The following ST7 variants were observed in gnomAD, a reference collection of about 807,000 sequenced individuals.
ST7 encodes the protein suppressor of tumorigenicity 7 protein.
ST7 carries 28 observed loss-of-function variants against 78.7 expected under a neutral mutation model. The ratio of observed to expected loss-of-function variants is 0.36; its 90% CI spans 0.26 to 0.49. ST7 has a LOEUF of 0.49. ST7 is among the 20% of genes least tolerant of loss of function. The pLI, the probability that ST7 is intolerant of heterozygous loss-of-function variation, is 0.99. For missense variants in ST7, 418 were observed against 696.0 expected, an observed-to-expected ratio of 0.60 and a Z score of 4.49; for synonymous variants, 247 against 249.6, an observed-to-expected ratio of 0.99 and a Z score of 0.10.
intron 1 of ST7, among the ~76,000 whole-genome samples, chr7:117,054,484 T>C (rs945156089): frequency 1.3e-5 from 2 of 152,204 alleles, no homozygotes; most frequent in Non-Finnish European, 2.9e-5. Flanking sequence ...GAGCTGGTAA[T>C]TTACTTAGGA....
At chr7:117,208,359 A>G (rs952565208) in intron 12 of ST7, among the ~76,000 whole-genome samples, 3 of 152,130 alleles carry the variant, frequency 2.0e-5, no homozygotes, top group Non-Finnish European at 2.9e-5. Flanking sequence ...ATGGCTTTCT[A>G]TCCTACCTCC....
At chr7:117,171,420 C>T (rs897429616) in intron 10 of ST7, among the ~76,000 whole-genome samples, 2 of 152,102 alleles carry the variant, frequency 1.3e-5, no homozygotes, top group Non-Finnish European at 2.9e-5. Context: ...GCTAATATCC[C>T]TTGCACATGT....
At chr7:117,030,275 TTA>T (rs1796407325) in intron 1 of ST7, among the ~76,000 whole-genome samples, 1 of 152,222 alleles carries the variant, frequency 6.6e-6, no homozygotes, top group African/African-American at 2.4e-5. Flanking sequence ...GTGGAATGAC[TTA>T]TATTACCCAC....
intron 1 of ST7, chr7:117,020,324 G>C (rs2116018994): frequency 2.3e-6 from 1 of 444,198 alleles, no homozygotes; most frequent in Non-Finnish European, 4.0e-6. Flanking sequence ...CCCAGAAGAG[G>C]CACGTCGGCC....
chr7:117,170,509 C>T (rs559729564), intron 9 of ST7, among the ~76,000 whole-genome samples: 114 of 152,156 alleles, frequency 7.5e-4, no homozygotes, highest in African/African-American at 2.6e-3. Flanking sequence ...AGTGAAACCC[C>T]GTCTCTACTT....
At chr7:116,970,908 G>A (rs1793384603) in intron 1 of ST7, among the ~76,000 whole-genome samples, 1 of 151,954 alleles carries the variant, frequency 6.6e-6, no homozygotes, top group South Asian at 2.1e-4. Flanking sequence ...TGGAGGGACT[G>A]GTTCTTTATT....
intron 12 of ST7, among the ~76,000 whole-genome samples, chr7:117,207,761 G>A (rs968324964): frequency 6.6e-6 from 1 of 152,026 alleles, no homozygotes; most frequent in Admixed American, 6.6e-5. Context: ...AAATGTGGTG[G>A]CTATGAATAA....
intron 12 of ST7, among the ~76,000 whole-genome samples, chr7:117,207,699 T>C (rs969208404): frequency 6.6e-6 from 1 of 152,248 alleles, no homozygotes; most frequent in Admixed American, 6.5e-5. Context: ...TTTCATATTT[T>C]ATGTTTCAAA....
intron 9 of ST7, among the ~76,000 whole-genome samples, chr7:117,167,089 A>G (rs1382159043): frequency 6.7e-6 from 1 of 150,020 alleles, no homozygotes; most frequent in Non-Finnish European, 1.5e-5. Context: ...TAATTATTAT[A>G]CTTTAAGTTT....
chr7:117,003,456 C>T (rs1795029134), intron 1 of ST7, among the ~76,000 whole-genome samples: 2 of 152,108 alleles, frequency 1.3e-5, no homozygotes, highest in Non-Finnish European at 2.9e-5. Flanking sequence ...CACCACCACA[C>T]CTGGCTAATT....
intron 10 of ST7, among the ~76,000 whole-genome samples, chr7:117,174,980 T>C (rs527492779): frequency 6.6e-6 from 1 of 152,296 alleles, no homozygotes; most frequent in South Asian, 2.1e-4. Context: ...AGGCATGACT[T>C]AGGTGGGCTG....
chr7:117,204,714 C>G (rs1233528737), intron 12 of ST7, among the ~76,000 whole-genome samples: 1 of 152,082 alleles, frequency 6.6e-6, no homozygotes, highest in Non-Finnish European at 1.5e-5. Flanking sequence ...AACATCTTTT[C>G]TGGTCTTAGG....
At chr7:117,100,399 C>T (rs1049962578) in intron 2 of ST7, among the ~76,000 whole-genome samples, 3 of 152,096 alleles carry the variant, frequency 2.0e-5, no homozygotes, top group Middle Eastern at 3.4e-3. Context: ...GGGTTGAACC[C>T]GGGAGGCAGA....
chr7:117,135,553 A>C (rs984534995), intron 7 of ST7, among the ~76,000 whole-genome samples: 5 of 152,060 alleles, frequency 3.3e-5, no homozygotes, highest in Non-Finnish European at 5.9e-5. Context: ...TCTTATTCTG[A>C]AGAAATCCTT....
intron 1 of ST7, among the ~76,000 whole-genome samples, chr7:117,013,772 G>T (rs1004167950): frequency 4.6e-5 from 7 of 152,198 alleles, no homozygotes; most frequent in African/African-American, 1.7e-4. Flanking sequence ...GGCAGAGGCT[G>T]CAGTGAGGCG....
intron 9 of ST7, among the ~76,000 whole-genome samples, chr7:117,157,431 G>GAAGGCA (rs1316654385): frequency 6.6e-6 from 1 of 152,204 alleles, no homozygotes; most frequent in African/African-American, 2.4e-5. Flanking sequence ...GAGAATGTTA[G>GAAGGCA]AAGGCAAAGT....
chr7:117,119,838 G>A lies in ST7; in HGVS notation c.394+118G>A, dbSNP rs1803215988. 12 of 1,244,836 alleles carry A rather than the reference G, an allele frequency of 9.6e-6. No individual in the cohort carries two copies. In the South Asian group the frequency reaches 1.7e-4, roughly 18 times the overall value. 77.1% of individuals were successfully genotyped at this position (1,244,836 alleles called of 1,614,324 possible). On this transcript the variant is annotated intron_variant, in intron 3 of 15. Transcript: ENST00000323984. ...TAAACATTAGGCTTCAGAGAAAAAT[G>A]CAGATCATTTTCCCATGGAGTTGAC...
chr7:117,113,908 G>C (rs940408183), intron 2 of ST7, among the ~76,000 whole-genome samples: 8 of 152,280 alleles, frequency 5.3e-5, no homozygotes, highest in Middle Eastern at 3.4e-3. Flanking sequence ...GTTCAGGAGA[G>C]TTACCCTCCC....
At chr7:117,197,019 A>G (rs1020427837) in intron 12 of ST7, among the ~76,000 whole-genome samples, 1 of 152,094 alleles carries the variant, frequency 6.6e-6, no homozygotes, top group Admixed American at 6.6e-5. Context: ...GAAGAGAATT[A>G]TCTACTTCTT....
Sources: gnomAD v4.1 joint callset for allele counts (sites outside exome capture counted in the v4.1 genomes callset) on GRCh38, gnomAD v4.1.1 for gene constraint, MANE v1.5 for transcripts, NCBI Gene and HGNC (gene_info 2026-07-23, HGNC 2026-07-21) for gene names.